The following SATB2 variants were observed in gnomAD, a reference collection of about 807,000 sequenced individuals.
SATB2 encodes SATB homeobox 2, also known as DNA-binding protein SATB2.
SATB2 carries 1 observed loss-of-function variant against 73.4 expected under a neutral mutation model. The ratio of observed to expected loss-of-function variants is 0.01; its 90% CI spans 0.00 to 0.06. The LOEUF (loss-of-function observed/expected upper bound fraction) is 0.06. SATB2 is among the 10% of genes least tolerant of loss of function. The probability of loss-of-function intolerance (pLI) is 1.00; values close to 1 mark genes in which losing one functional copy is unlikely to be tolerated. For missense variants in SATB2, 459 were observed against 945.8 expected (o/e 0.49, Z 6.75); for synonymous variants, 397 against 367.0 (o/e 1.08, Z -0.93).
chr2:199,433,459 A>G lies in SATB2; in HGVS notation c.225T>C (p.Tyr75=), dbSNP rs1357010510. The change falls in exon 3 of 11, where the codon TAT becomes TAC. Residue 75 remains tyrosine (Y), a synonymous_variant. Coordinates refer to ENST00000417098, the MANE Select transcript of SATB2 (RefSeq NM_001172509.2). ...VVEQLDGSLE[Y]DNREEHAEFV... Reference sequence around the variant, plus strand: ...ACTCGGCGTGTTCTTCTCTGTTGTCATATTCAAGAGAGCCGTCCAACTGCT... The same window carrying G: ...ACTCGGCGTGTTCTTCTCTGTTGTCGTATTCAAGAGAGCCGTCCAACTGCT... The G allele has an allele frequency of 1.2e-6, 2 of 1,614,156 alleles. No homozygotes were observed. Among genetic ancestry groups the G allele is most frequent in the South Asian group, 2.2e-5 (2 of 91,082 alleles).
intron 6 of SATB2, among the ~76,000 whole-genome samples, chr2:199,353,141 T>G (rs1688868309): frequency 7.5e-6 from 1 of 132,790 alleles, no homozygotes. Context: ...TTTACACACG[T>G]TTTTGTCTTT....
chr2:199,343,089 A>G (rs1286665437), intron 7 of SATB2, among the ~76,000 whole-genome samples: 4 of 146,312 alleles, frequency 2.7e-5, no homozygotes, highest in Non-Finnish European at 6.0e-5. Flanking sequence ...TTATTTGTAA[A>G]TGTTTACATA....
chr2:199,448,404 T>A (rs1415793366), intron 2 of SATB2, among the ~76,000 whole-genome samples: 1 of 152,028 alleles, frequency 6.6e-6, no homozygotes, highest in African/African-American at 2.4e-5. Flanking sequence ...TATTTTCTTG[T>A]GTTAAAAAAA....
intron 3 of SATB2, among the ~76,000 whole-genome samples, chr2:199,414,527 G>A (rs190762475): frequency 9.2e-5 from 14 of 152,222 alleles, no homozygotes; most frequent in South Asian, 2.1e-4. Context: ...TGACTGATCC[G>A]GAAAGAGTCC....
intron 7 of SATB2, chr2:199,329,212 C>T: frequency 2.4e-6 from 1 of 408,644 alleles, no homozygotes; most frequent in Non-Finnish European, 4.6e-6. Flanking sequence ...GCAATTACCA[C>T]CAGGTGCCTC....
chr2:199,469,337 C>G (rs1692658352), upstream of SATB2, among the ~76,000 whole-genome samples: 1 of 152,174 alleles, frequency 6.6e-6, no homozygotes, highest in Admixed American at 6.5e-5. Context: ...GGTCTTCCCG[C>G]CCGTCGTCTG....
intron 10 of SATB2, among the ~76,000 whole-genome samples, chr2:199,282,851 T>C (rs1257492617): frequency 2.6e-5 from 4 of 152,190 alleles, no homozygotes; most frequent in Non-Finnish European, 4.4e-5. Flanking sequence ...TACATCTTTG[T>C]ACTTAAAATG....
At chr2:199,355,338 G>GTATC (rs1233539046) in intron 6 of SATB2, among the ~76,000 whole-genome samples, 1 of 88,080 alleles carries the variant, frequency 1.1e-5, no homozygotes, top group East Asian at 4.9e-4. Flanking sequence ...GTGTGTGTGT[G>GTATC]TGTGTGTATC....
intron 10 of SATB2, among the ~76,000 whole-genome samples, chr2:199,275,122 A>G (rs930448066): frequency 2.0e-5 from 3 of 152,184 alleles, no homozygotes; most frequent in African/African-American, 7.2e-5. Context: ...TTCTGTAGTA[A>G]AAGTCAGCAT....
chr2:199,389,625 C>A (rs567449097), intron 3 of SATB2, among the ~76,000 whole-genome samples: 4 of 152,116 alleles, frequency 2.6e-5, no homozygotes, highest in Admixed American at 6.5e-5. Context: ...ACACACAATG[C>A]ACTGTTTCCC....
chr2:199,365,299 C>T (rs1689250546), intron 6 of SATB2, among the ~76,000 whole-genome samples: 1 of 151,254 alleles, frequency 6.6e-6, no homozygotes, highest in Non-Finnish European at 1.5e-5. Context: ...TGATGATCAG[C>T]AATTAAAAAA....
chr2:199,336,033 G>C (rs1688327222), intron 7 of SATB2, among the ~76,000 whole-genome samples: 1 of 152,150 alleles, frequency 6.6e-6, no homozygotes, highest in Non-Finnish European at 1.5e-5. Flanking sequence ...ATGTACAATA[G>C]AGGAAATTAG....
At chr2:199,409,689 C>T (rs1415024257) in intron 3 of SATB2, among the ~76,000 whole-genome samples, 1 of 149,804 alleles carries the variant, frequency 6.7e-6, no homozygotes, top group African/African-American at 2.5e-5. Context: ...GTTTTCTATA[C>T]CATGGTGTCA....
At chr2:199,344,579 T>C (rs1310009068) in intron 7 of SATB2, among the ~76,000 whole-genome samples, 1 of 152,212 alleles carries the variant, frequency 6.6e-6, no homozygotes, top group Non-Finnish European at 1.5e-5. Flanking sequence ...TTACCTCTCT[T>C]GGCCTCCTGC....
At chr2:199,280,076 T>C (rs772860833) in intron 10 of SATB2, among the ~76,000 whole-genome samples, 1 of 152,346 alleles carries the variant, frequency 6.6e-6, no homozygotes, top group Non-Finnish European at 1.5e-5. Flanking sequence ...AGGGACTGGC[T>C]GAAGCCATGG....
intron 3 of SATB2, among the ~76,000 whole-genome samples, chr2:199,394,260 T>A (rs557249872): frequency 6.6e-6 from 1 of 152,172 alleles, no homozygotes; most frequent in African/African-American, 2.4e-5. Context: ...TAAATAAATT[T>A]AATTTGCTCA....
chr2:199,458,705 T>G (rs952966391), upstream of SATB2: 7 of 443,078 alleles, frequency 1.6e-5, no homozygotes, highest in Non-Finnish European at 2.7e-5. Context: ...CTCTGTTAAC[T>G]GCGCGGAGTA....
chr2:199,451,694 A>G (rs1280966289), intron 2 of SATB2, among the ~76,000 whole-genome samples: 1 of 152,084 alleles, frequency 6.6e-6, no homozygotes, highest in Non-Finnish European at 1.5e-5. Context: ...ACTACACCTG[A>G]CCCGAACTGC....
intron 7 of SATB2, among the ~76,000 whole-genome samples, chr2:199,338,167 C>T (rs1688391469): frequency 6.6e-6 from 1 of 151,828 alleles, no homozygotes; most frequent in Admixed American, 6.6e-5. Context: ...AGTTCAAGAC[C>T]AGCCTGGCCA....
Sources: gnomAD v4.1 joint callset for allele counts (sites outside exome capture counted in the v4.1 genomes callset) on GRCh38, gnomAD v4.1.1 for gene constraint, MANE v1.5 for transcripts, NCBI Gene and HGNC (gene_info 2026-07-23, HGNC 2026-07-21) for gene names.